The following CAMK2D variants were observed in gnomAD, a reference collection of about 807,000 sequenced individuals.
The protein encoded by CAMK2D is calcium/calmodulin-dependent protein kinase type II subunit delta.
CAMK2D carries 37 observed loss-of-function variants against 84.0 expected under a neutral mutation model. The ratio of observed to expected loss-of-function variants is 0.44; its 90% CI spans 0.34 to 0.58. The LOEUF is 0.58. CAMK2D is among the 20% of genes least tolerant of loss of function. The probability of loss-of-function intolerance (pLI) is 0.02; values close to 1 mark genes in which losing one functional copy is unlikely to be tolerated. For synonymous variants in CAMK2D, 202 were observed against 212.5 expected (o/e 0.95, Z 0.43); for missense variants, 448 against 652.5 (o/e 0.69, Z 3.41).
chr4:113,457,657 A>G, intron 18 of CAMK2D, 94 bp from the exon 19 acceptor site: 1 of 860,828 alleles, frequency 1.2e-6, no homozygotes, highest in South Asian at 1.6e-5. Flanking sequence ...GAATGAAATG[A>G]CATTTATTCA....
In CAMK2D at chr4:113,603,990, T is replaced by C. The variant is rs138491403; in HGVS notation, c.275+5162A>G. Reference sequence around the variant, plus strand: ...GAAAATTTTTTCATAGAACTCATGTTCTTTGTTTTGATTTTTTAGAAAGTA... The same window carrying C: ...GAAAATTTTTTCATAGAACTCATGTCCTTTGTTTTGATTTTTTAGAAAGTA... On this transcript the variant is annotated intron_variant, in intron 4 of 20. Coordinates refer to ENST00000511664, the MANE Select transcript of CAMK2D (RefSeq NM_001321571.2). 6.6e-5 allele frequency among the ~76,000 whole-genome samples: 10 copies of C among 151,746 alleles called. No homozygotes were observed. The East Asian group carries it at 1.9e-3, about 29-fold the overall frequency.
chr4:113,603,290 C>A (rs970022944), intron 4 of CAMK2D, among the ~76,000 whole-genome samples: 1 of 151,264 alleles, frequency 6.6e-6, no homozygotes, highest in Non-Finnish European at 1.5e-5. Context: ...TATACATGTG[C>A]CATGTTGGTG....
intron 14 of CAMK2D, among the ~76,000 whole-genome samples, chr4:113,504,387 T>C (rs1564688499): frequency 6.6e-6 from 1 of 152,230 alleles, no homozygotes; most frequent in Non-Finnish European, 1.5e-5. Context: ...TTTCATTCTT[T>C]GGATTAAAGT....
At chr4:113,743,350 A>C (rs149245700) in intron 2 of CAMK2D, among the ~76,000 whole-genome samples, 8 of 152,262 alleles carry the variant, frequency 5.3e-5, no homozygotes, top group African/African-American at 1.9e-4. Flanking sequence ...CTGCAGTCTC[A>C]CTTTGCTGAG....
intron 2 of CAMK2D, among the ~76,000 whole-genome samples, chr4:113,725,224 A>G (rs984836855): frequency 2.0e-5 from 3 of 152,094 alleles, no homozygotes; most frequent in East Asian, 3.8e-4. Context: ...ATGTGTATAT[A>G]TAACTATGTA....
intron 16 of CAMK2D, among the ~76,000 whole-genome samples, chr4:113,482,977 T>C (rs2097719882): frequency 6.6e-6 from 1 of 152,152 alleles, no homozygotes; most frequent in Non-Finnish European, 1.5e-5. Context: ...CTCAACAACG[T>C]TGGCCAAGGG....
chr4:113,536,990 T>C (rs1218829870), intron 7 of CAMK2D, among the ~76,000 whole-genome samples: 1 of 152,190 alleles, frequency 6.6e-6, no homozygotes, highest in Non-Finnish European at 1.5e-5. Flanking sequence ...TGGCATCATA[T>C]GAGGTTGTAT....
chr4:113,592,561 A>G (rs2098894975), intron 4 of CAMK2D, among the ~76,000 whole-genome samples: 1 of 152,244 alleles, frequency 6.6e-6, no homozygotes, highest in Non-Finnish European at 1.5e-5. Flanking sequence ...CTAGTTAAAC[A>G]AAAGAGGTAG....
intron 2 of CAMK2D, among the ~76,000 whole-genome samples, chr4:113,705,066 G>C (rs2099440814): frequency 6.6e-6 from 1 of 151,568 alleles, no homozygotes; most frequent in Non-Finnish European, 1.5e-5. Flanking sequence ...TTCCGGCCAG[G>C]CACGGTGGCT....
At chr4:113,640,626 T>C (rs2099129011) in intron 3 of CAMK2D, among the ~76,000 whole-genome samples, 1 of 152,210 alleles carries the variant, frequency 6.6e-6, no homozygotes, top group Admixed American at 6.5e-5. Context: ...AACAAGAAGG[T>C]TCCACTGGAC....
rs145065267 is a variant in CAMK2D, at chr4:113,467,393, T to C, written c.1136-1789A>G. ...CCTAGGTGATGACATTATTTAAAAA[T>C]AAATTTTCTATAAACCACATTTTAC... On this transcript the variant is annotated intron_variant, in intron 16 of 20. Transcript: ENST00000511664. Among the ~76,000 whole-genome samples, 6 of 152,328 alleles carry C rather than the reference T, an allele frequency of 3.9e-5. No individual in the cohort carries two copies. In the East Asian group the frequency reaches 1.2e-3, roughly 29 times the overall value.
intron 4 of CAMK2D, among the ~76,000 whole-genome samples, chr4:113,598,486 T>C (rs1591725240): frequency 6.6e-6 from 1 of 152,168 alleles, no homozygotes; most frequent in East Asian, 1.9e-4. Context: ...TGCTGATGAC[T>C]TTTTAGATAT....
At chr4:113,641,963 T>C (rs1286284677) in intron 3 of CAMK2D, among the ~76,000 whole-genome samples, 2 of 151,934 alleles carry the variant, frequency 1.3e-5, no homozygotes, top group Non-Finnish European at 2.9e-5. Context: ...TGAGTCAAGA[T>C]CATGCCACTG....
intron 2 of CAMK2D, among the ~76,000 whole-genome samples, chr4:113,751,832 T>G (rs972256310): frequency 6.6e-6 from 1 of 152,154 alleles, no homozygotes; most frequent in African/African-American, 2.4e-5. Flanking sequence ...AATAATTTCC[T>G]GTTACTAAAC....
At chr4:113,603,135 C>A (rs2098960304) in intron 4 of CAMK2D, among the ~76,000 whole-genome samples, 1 of 151,986 alleles carries the variant, frequency 6.6e-6, no homozygotes, top group Non-Finnish European at 1.5e-5. Context: ...TAGGCACAAA[C>A]CCTGGAAAGG....
At chr4:113,647,387 C>T (rs2099156265) in intron 3 of CAMK2D, among the ~76,000 whole-genome samples, 2 of 152,126 alleles carry the variant, frequency 1.3e-5, no homozygotes, top group Admixed American at 6.5e-5. Context: ...GATGCACTGC[C>T]TACTTTTTTT....
chr4:113,619,077 C>T (rs750153091), intron 3 of CAMK2D, among the ~76,000 whole-genome samples: 1 of 152,096 alleles, frequency 6.6e-6, no homozygotes, highest in South Asian at 2.1e-4. Context: ...AACTCGTGAT[C>T]GTCCCCCTAA....
At chr4:113,614,079 A>C (rs949613173) in intron 3 of CAMK2D, among the ~76,000 whole-genome samples, 2 of 152,140 alleles carry the variant, frequency 1.3e-5, no homozygotes, top group South Asian at 2.1e-4. Context: ...TTGAGACTTA[A>C]TATCTTTCCT....
intron 4 of CAMK2D, among the ~76,000 whole-genome samples, chr4:113,592,117 G>T (rs868226895): frequency 5.3e-5 from 8 of 152,080 alleles, no homozygotes; most frequent in African/African-American, 1.9e-4. Flanking sequence ...GCTGAGGGGG[G>T]TTGGTGGTTG....
Sources: gnomAD v4.1 joint callset for allele counts (sites outside exome capture counted in the v4.1 genomes callset) on GRCh38, gnomAD v4.1.1 for gene constraint, MANE v1.5 for transcripts, NCBI Gene and HGNC (gene_info 2026-07-23, HGNC 2026-07-21) for gene names.